Variants in MYH13 observed in about 807,000 individuals in gnomAD.
MYH13 encodes the protein myosin-13.
Under a neutral mutation model 232.1 loss-of-function variants are expected in MYH13, and 177 were observed. The ratio of observed to expected loss-of-function variants is 0.76; its 90% CI spans 0.67 to 0.86. The LOEUF (loss-of-function observed/expected upper bound fraction) is 0.86. Ranked by LOEUF, MYH13 falls within the 40% of genes least tolerant of loss-of-function variation. MYH13 has a pLI of 0.00. For synonymous variants in MYH13, 884 were observed against 923.5 expected (o/e 0.96, Z 0.78); for missense variants, 2,246 against 2,405.9 (o/e 0.93, Z 1.39).
Position 10,306,079 on chromosome 17 carries a change from A to G in MYH13, c.5466+380T>C, listed in dbSNP as rs905505827. ...TCCAAAATGTAAATGCATCAAAATGAGTAATTTTATGACTGTAGAGTATAT... is the reference window on the plus strand; with the variant it reads ...TCCAAAATGTAAATGCATCAAAATGGGTAATTTTATGACTGTAGAGTATAT... On this transcript the variant is annotated intron_variant, in intron 37 of 40. Transcript: ENST00000252172. This position sits in a 1 kb window ranked among gnomAD's most constrained non-coding sequence, Gnocchi z 4.3. Among the ~76,000 whole-genome samples the G allele has an allele frequency of 2.0e-5, 3 of 152,230 alleles. No individual in the cohort carries two copies. The highest frequency in any genetic ancestry group is 2.9e-5 in the Non-Finnish European group (2 of 68,046).
intron 2 of MYH13, among the ~76,000 whole-genome samples, chr17:10,369,154 C>G (rs112001660): frequency 8.2e-5 from 12 of 146,910 alleles, no homozygotes. Flanking sequence ...ATTATAACTT[C>G]CACAAATAAA....
rs779371167 is a variant in MYH13, at chr17:10,313,332, G to T, written c.4007C>A (p.Ala1336Asp). 4 of 1,614,142 alleles carry T rather than the reference G, an allele frequency of 2.5e-6. No individual in the cohort carries two copies. The highest frequency in any genetic ancestry group is 3.4e-6 in the Non-Finnish European group (4 of 1,180,054). The change falls in exon 30 of 41, where the codon GCC (alanine) becomes GAC (aspartate). Residue 1336 changes from alanine (A) to aspartate (D), a missense_variant. Physicochemically the swap from Ala to Asp is moderately radical, Grantham distance 126. Transcript: ENST00000252172. The stretch of plus-strand genomic sequence containing the variant: ...ACAGTCGTGGCGGGAGGACTGCAGG[G>T]CGTGCGCCATGGCGTTCTTGGCCTG... ...ETKAKNAMAH[A>D]LQSSRHDCDL...
chr17:10,307,342 T>A lies in MYH13; in HGVS notation c.5170-278A>T, dbSNP rs1906328402. Among the ~76,000 whole-genome samples the A allele has an allele frequency of 2.0e-5, 3 of 152,142 alleles. No homozygotes were observed. In the South Asian group the frequency reaches 6.2e-4, roughly 32 times the overall value. ...GATGGATAGATTATTCAGTAAAAAG[T>A]CTTGGAACAAGGAAATGATGATAGA... On this transcript the variant is annotated intron_variant, in intron 35 of 40. Transcript: ENST00000252172.
chr17:10,310,573 T>A (rs904685748), intron 33 of MYH13, among the ~76,000 whole-genome samples: 25 of 152,108 alleles, frequency 1.6e-4, no homozygotes, highest in Admixed American at 6.5e-5. Flanking sequence ...TTAGTGAAAA[T>A]TTTATTGAGG....
chr17:10,338,908 A>G (rs1450027017), intron 18 of MYH13, among the ~76,000 whole-genome samples: 16 of 152,138 alleles, frequency 1.1e-4, no homozygotes, highest in African/African-American at 3.6e-4. Flanking sequence ...TCACCATGTT[A>G]GCCAGGATGG....
At chr17:10,367,209 C>G (rs527759947) in intron 2 of MYH13, among the ~76,000 whole-genome samples, 1 of 152,282 alleles carries the variant, frequency 6.6e-6, no homozygotes, top group South Asian at 2.1e-4. Flanking sequence ...AACTAAATGA[C>G]TGAAAGCCCC....
chr17:10,303,154 ACTGT>A (rs770388142), intron 39 of MYH13, 38 bp downstream of exon 39: 8 of 1,567,116 alleles, frequency 5.1e-6, no homozygotes, highest in East Asian at 2.2e-5. Flanking sequence ...TGCCCCAGGG[ACTGT>A]CTGTCTGTGG....
chr17:10,322,436 G>A (rs1906988191), intron 23 of MYH13, among the ~76,000 whole-genome samples: 1 of 152,006 alleles, frequency 6.6e-6, no homozygotes, highest in Admixed American at 6.6e-5. Flanking sequence ...ATTCAGAACG[G>A]GAGTGCTGTG....
chr17:10,314,468 C>T (rs927968683), intron 29 of MYH13, among the ~76,000 whole-genome samples: 7 of 151,952 alleles, frequency 4.6e-5, no homozygotes, highest in Non-Finnish European at 8.8e-5. Flanking sequence ...AAGGAAAACT[C>T]AGCTGTTGCT....
In MYH13 at chr17:10,346,784, C is replaced by T. The variant is rs199911320; in HGVS notation, c.1159G>A (p.Gly387Arg). 1.6e-4 allele frequency: 266 copies of T among 1,613,688 alleles called. No homozygotes were observed. The highest frequency in any genetic ancestry group is 3.3e-4 in the Middle Eastern group (2 of 6,060). Residue 387 changes from glycine to arginine, a missense_variant, in exon 13 of 41, where the codon GGA becomes AGA. Coordinates refer to ENST00000252172, the MANE Select transcript of MYH13 (RefSeq NM_003802.3). ...GCAGAATTCAGTCCCATCAGGTATC[C>T]GGCTTTGTCAGCCACTGAAGGAAGA... ...PDGTEVADKAGYLMGLNSAEM... is the reference protein window; with the variant it reads ...PDGTEVADKARYLMGLNSAEM...
chr17:10,325,741 A>T (rs1028682189), intron 22 of MYH13, among the ~76,000 whole-genome samples: 11 of 152,170 alleles, frequency 7.2e-5, no homozygotes, highest in African/African-American at 2.4e-4. Context: ...CAGTGGCGCG[A>T]TCTCGGCTCA....
chr17:10,359,700 C>T (rs1034955753), intron 7 of MYH13, among the ~76,000 whole-genome samples: 1 of 152,108 alleles, frequency 6.6e-6, no homozygotes, highest in Non-Finnish European at 1.5e-5. Flanking sequence ...GATGCTTTCT[C>T]TAGGTAGTTA....
At chr17:10,344,417 G>A (rs2071644604) in intron 15 of MYH13, among the ~76,000 whole-genome samples, 1 of 152,174 alleles carries the variant, frequency 6.6e-6, no homozygotes. Flanking sequence ...AAAGTAATGT[G>A]AGTAATATTT....
At chr17:10,369,766 T>C (rs1303980109) in intron 2 of MYH13, among the ~76,000 whole-genome samples, 1 of 152,250 alleles carries the variant, frequency 6.6e-6, no homozygotes, top group Non-Finnish European at 1.5e-5. Context: ...CTAGATGATG[T>C]TTGAGTTATC....
At chr17:10,350,327 A>C (rs745370289) in intron 12 of MYH13, among the ~76,000 whole-genome samples, 1 of 152,136 alleles carries the variant, frequency 6.6e-6, no homozygotes, top group Non-Finnish European at 1.5e-5. Flanking sequence ...GTGATTATTC[A>C]TTTACAAGAA....
intron 30 of MYH13, 57 bp downstream of exon 30, chr17:10,313,101 G>A: frequency 6.2e-7 from 1 of 1,611,014 alleles, no homozygotes; most frequent in African/African-American, 1.3e-5. Context: ...GAAGACTCCT[G>A]GTCCCTTGGC....
chr17:10,333,568 T>C (rs1907486932), intron 18 of MYH13, among the ~76,000 whole-genome samples: 2 of 152,022 alleles, frequency 1.3e-5, no homozygotes, highest in African/African-American at 4.8e-5. Flanking sequence ...AAGATGGGGA[T>C]GGAAAAATCT....
At chr17:10,354,853 G>A (rs759643609) in intron 10 of MYH13, 42 bp downstream of exon 10, 4 of 1,586,386 alleles carry the variant, frequency 2.5e-6, no homozygotes, top group East Asian at 2.2e-5. Context: ...TTTTCCCAAC[G>A]TCACCGATTT....
intron 8 of MYH13, among the ~76,000 whole-genome samples, chr17:10,356,375 T>G (rs1234953764): frequency 1.3e-5 from 2 of 152,172 alleles, no homozygotes; most frequent in African/African-American, 4.8e-5. Flanking sequence ...GATTGTGACT[T>G]CTGGGTCAGG....
Sources: allele counts gnomAD v4.1 joint callset (sites outside exome capture counted in the v4.1 genomes callset), GRCh38; gene constraint gnomAD v4.1.1; non-coding constraint Gnocchi (gnomAD v3.1); transcripts MANE v1.5; gene names NCBI Gene and HGNC (gene_info 2026-07-23, HGNC 2026-07-21).